The following SLC48A1 variants were observed in gnomAD, a reference collection of about 807,000 sequenced individuals.
The protein encoded by SLC48A1 is solute carrier family 48 member 1.
Under a neutral mutation model 14.8 loss-of-function variants are expected in SLC48A1, and 6 were observed. The ratio of observed to expected loss-of-function variants is 0.41; its 90% CI spans 0.22 to 0.80. SLC48A1 has a LOEUF of 0.80. Among genes scored for constraint, SLC48A1 ranks in the 30% least tolerant of loss-of-function variants. SLC48A1 has a pLI of 0.34. For synonymous variants in SLC48A1, 89 were observed against 90.0 expected, an observed-to-expected ratio of 0.99 and a Z score of 0.06; for missense variants, 165 against 204.8, an observed-to-expected ratio of 0.81 and a Z score of 1.19.
upstream of SLC48A1, among the ~76,000 whole-genome samples, chr12:47,771,254 T>C (rs1942624730): frequency 6.6e-6 from 1 of 152,224 alleles, no homozygotes; most frequent in Non-Finnish European, 1.5e-5. Flanking sequence ...TTGTGTATAA[T>C]TGCTTTTGTT....
upstream of SLC48A1, chr12:47,771,009 G>A (rs1211651415): frequency 4.5e-6 from 2 of 443,226 alleles, no homozygotes; most frequent in Non-Finnish European, 9.2e-6. Flanking sequence ...CACAGGACCA[G>A]CACTCACTCT....
intron 2 of SLC48A1, among the ~76,000 whole-genome samples, chr12:47,761,295 A>G (rs772767630): frequency 1.3e-5 from 2 of 151,986 alleles, no homozygotes; most frequent in Admixed American, 1.3e-4. Flanking sequence ...GGTGAAAATG[A>G]AACTGTCCCA....
Position 47,780,899 on chromosome 12 carries a change from C to G in SLC48A1, c.*618C>G. ...GTTTTCTTAGCACGCAGTGAGGAAT[C>G]TTTGTACTTAAGGCCAGGGCAACAA... On this transcript the variant is annotated 3_prime_UTR_variant, in exon 3 of 3. Coordinates refer to ENST00000442218, the MANE Select transcript of SLC48A1 (RefSeq NM_017842.3). The G allele has an allele frequency of 1.9e-6, 1 of 533,432 alleles. No individual in the cohort carries two copies. Among genetic ancestry groups the G allele is most frequent in the Non-Finnish European group, 3.8e-6 (1 of 260,038 alleles). The allele number at this position is 533,432 out of a possible 1,614,324, so 33.0% of individuals were successfully genotyped here.
At chr12:47,771,424 G>T (rs1242004241), upstream of SLC48A1, among the ~76,000 whole-genome samples, 3 of 152,000 alleles carry the variant, frequency 2.0e-5, no homozygotes, top group Non-Finnish European at 4.4e-5. Context: ...GTGGTGGGTG[G>T]GATAATAATG....
At chr12:47,766,837 C>T (rs893602564), upstream of SLC48A1, among the ~76,000 whole-genome samples, 1 of 152,200 alleles carries the variant, frequency 6.6e-6, no homozygotes, top group South Asian at 2.1e-4. Context: ...AGCAGTTTCA[C>T]TCTAGCCCTG....
upstream of SLC48A1, among the ~76,000 whole-genome samples, chr12:47,757,230 T>C (rs994628656): frequency 6.6e-6 from 1 of 152,182 alleles, no homozygotes; most frequent in African/African-American, 2.4e-5. Flanking sequence ...ACAGCCATTA[T>C]CTTGCCTCCC....
intron 2 of SLC48A1, among the ~76,000 whole-genome samples, chr12:47,761,266 G>A (rs908519278): frequency 6.6e-6 from 1 of 151,400 alleles, no homozygotes; most frequent in Non-Finnish European, 1.5e-5. Context: ...GCCTCAGGGA[G>A]CCAAGGATCA....
At chr12:47,778,876 T>A in intron 1 of SLC48A1, 152 bp from the exon 2 acceptor site, 1 of 864,138 alleles carries the variant, frequency 1.2e-6, no homozygotes. Flanking sequence ...CTGCTTCTGA[T>A]ATCACAGCCT....
chr12:47,765,788 T>C (rs12810487), intron 2 of SLC48A1, among the ~76,000 whole-genome samples: 19,904 of 152,290 alleles, frequency 0.13, 1,429 homozygotes, highest in Non-Finnish European at 0.16. Flanking sequence ...GGGTGAGAGC[T>C]GCTCTGCTGT....
intron 1 of SLC48A1, among the ~76,000 whole-genome samples, chr12:47,773,982 CAGAGCCCTCTGCTG>C (rs113651563): frequency 1.3e-5 from 2 of 152,356 alleles, no homozygotes; most frequent in South Asian, 4.1e-4. Context: ...GGCTCCCCCG[CAGAGCCCTCTGCTG>C]AGACCCACAG....
At chr12:47,766,540 G>T (rs1341340884) in intron 2 of SLC48A1, among the ~76,000 whole-genome samples, 1 of 152,130 alleles carries the variant, frequency 6.6e-6, no homozygotes, top group Non-Finnish European at 1.5e-5. Context: ...TGTGATTGCG[G>T]GTTCAGGTTA....
Position 47,779,175 on chromosome 12 carries a change from T to G in SLC48A1, c.284T>G (p.Leu95Arg). Residue 95 changes from leucine to arginine, a missense_variant, in exon 2 of 3, where the codon CTG becomes CGG. Leu to Arg is a moderately radical substitution (Grantham distance 102, BLOSUM62 -2). Transcript: ENST00000442218. ...SIAAFCTFLV[L>R]AITRHQSLTD... ...GCTGCCTTCTGCACCTTCCTCGTGC[T>G]GGCCATCACCCGGCATCAGAGTGAG... is the stretch of plus-strand genomic sequence containing the variant. 3.2e-6 allele frequency: 5 copies of G among 1,551,698 alleles called. No homozygotes were observed. Among genetic ancestry groups the G allele is most frequent in the Non-Finnish European group, 3.5e-6 (4 of 1,146,960 alleles).
At chr12:47,770,809 C>T (rs1343616599), upstream of SLC48A1, 7 of 456,706 alleles carry the variant, frequency 1.5e-5, no homozygotes, top group Non-Finnish European at 3.1e-5. Flanking sequence ...AATCTCCAAA[C>T]CCGCTACTCT....
At chr12:47,760,683 G>A (rs1038590203) in intron 2 of SLC48A1, among the ~76,000 whole-genome samples, 1 of 152,180 alleles carries the variant, frequency 6.6e-6, no homozygotes, top group East Asian at 1.9e-4. Context: ...CCACGATCCT[G>A]TGAGGTATGT....
chr12:47,775,859 A>G (rs1169846732), intron 1 of SLC48A1, among the ~76,000 whole-genome samples: 1 of 152,066 alleles, frequency 6.6e-6, no homozygotes, highest in East Asian at 1.9e-4. Context: ...GGCTTTGGAG[A>G]AAGGCAGTGG....
At chr12:47,758,166 C>T (rs1239982087), upstream of SLC48A1, 25 of 1,488,104 alleles carry the variant, frequency 1.7e-5, no homozygotes, top group East Asian at 5.0e-5. Context: ...GAACTACTTC[C>T]TTAGAGTCCT....
intron 1 of SLC48A1, chr12:47,778,614 C>T (rs994607718): frequency 6.1e-6 from 1 of 163,492 alleles, no homozygotes; most frequent in African/African-American, 2.4e-5. Flanking sequence ...CTTTTATCCT[C>T]TTGAAAAGTA....
At chr12:47,757,975 T>G, upstream of SLC48A1, 1 of 1,565,964 alleles carries the variant, frequency 6.4e-7, no homozygotes, top group Non-Finnish European at 8.7e-7. Context: ...TAGTGTCCCC[T>G]CCGGCACCAC....
In SLC48A1 at chr12:47,773,361, C is replaced by T. The variant is rs1355659558; in HGVS notation, c.57C>T (p.Ser19=). 6.8e-7 allele frequency: 1 copy of T among 1,478,610 alleles called. No homozygotes were observed. Among genetic ancestry groups the T allele is most frequent in the Non-Finnish European group, 9.0e-7 (1 of 1,113,910 alleles). 91.6% of individuals were successfully genotyped at this position (1,478,610 alleles called of 1,614,324 possible). A position where few individuals can be genotyped will look rare whatever the true frequency, so the allele number is the denominator to read the frequency against. ...GLRAAYSGIS[S]VAGFSIFLVW... ...GCGCCGCCTACTCCGGCATCAGCTC[C>T]GTGGCCGGCTTCTCCATCTTCCTCG... Residue 19 remains serine, a synonymous_variant, in exon 1 of 3, where the codon TCC becomes TCT. Transcript: ENST00000442218.
Sources: gnomAD v4.1 joint callset for allele counts (sites outside exome capture counted in the v4.1 genomes callset) on GRCh38, gnomAD v4.1.1 for gene constraint, MANE v1.5 for transcripts, NCBI Gene and HGNC (gene_info 2026-07-23, HGNC 2026-07-21) for gene names.